DLG2: variants seen among roughly 807,000 people sequenced by gnomAD.
The protein encoded by DLG2 is discs large MAGUK scaffold protein 2, also known as disks large homolog 2.
Under a neutral mutation model 132.5 loss-of-function variants are expected in DLG2, and 45 were observed. That is an observed-to-expected ratio of 0.34 (90% CI 0.27 to 0.44). The LOEUF (loss-of-function observed/expected upper bound fraction) is 0.44, where lower values mean the gene tolerates loss of function less well. Ranked by LOEUF, DLG2 falls within the 20% of genes least tolerant of loss-of-function variation. The pLI, the probability that DLG2 is intolerant of heterozygous loss-of-function variation, is 1.00. For synonymous variants in DLG2, 424 were observed against 419.6 expected (o/e 1.01, Z -0.13); for missense variants, 1,045 against 1,196.9 (o/e 0.87, Z 1.87).
chr11:85,474,197 T>G (rs545419255), intron 3 of DLG2, among the ~76,000 whole-genome samples: 1 of 152,004 alleles, frequency 6.6e-6, no homozygotes, highest in Non-Finnish European at 1.5e-5. Flanking sequence ...AAGATCATTA[T>G]TGATAAAGAA....
intron 21 of DLG2, among the ~76,000 whole-genome samples, chr11:83,485,211 T>C (rs139831574): frequency 1.2e-3 from 179 of 152,272 alleles, no homozygotes; most frequent in African/African-American, 4.1e-3. Context: ...CATAGATACA[T>C]AATACGATAC....
chr11:84,784,139 A>G (rs1326880429), intron 6 of DLG2, among the ~76,000 whole-genome samples: 4 of 137,720 alleles, frequency 2.9e-5, no homozygotes, highest in Non-Finnish European at 4.6e-5. Flanking sequence ...CTCTACTAAA[A>G]ATGCAAAAAA....
rs1005578090 is a variant in DLG2, at chr11:83,786,677, A to T, written c.1825+13T>A. The T allele has an allele frequency of 1.3e-6, 2 of 1,597,744 alleles. No homozygotes were observed. Among genetic ancestry groups the T allele is most frequent in the Non-Finnish European group, 1.7e-6 (2 of 1,165,140 alleles). The stretch of plus-strand genomic sequence containing the variant: ...GACATATCAGAACATTATTAGTTTG[A>T]GTTCTGACTGACCTTCAGGTTGATA... On this transcript the variant is annotated intron_variant, in intron 18 of 27. Transcript: ENST00000376104.
At chr11:83,969,861 C>A (rs1565854406) in intron 12 of DLG2, among the ~76,000 whole-genome samples, 1 of 152,036 alleles carries the variant, frequency 6.6e-6, no homozygotes, top group Non-Finnish European at 1.5e-5. Context: ...GCGTGAGCCA[C>A]CACACCTGGC....
chr11:83,652,851 C>G (rs923660156), intron 18 of DLG2, among the ~76,000 whole-genome samples: 3 of 152,100 alleles, frequency 2.0e-5, no homozygotes, highest in African/African-American at 4.8e-5. Context: ...CTTATTCGAC[C>G]CTTTTTGTTG....
At chr11:85,190,954 T>A (rs565452581) in intron 4 of DLG2, among the ~76,000 whole-genome samples, 4 of 152,304 alleles carry the variant, frequency 2.6e-5, no homozygotes, top group Admixed American at 1.3e-4. Context: ...TGGATATTTC[T>A]CAAAGAACTT....
intron 10 of DLG2, among the ~76,000 whole-genome samples, chr11:84,075,129 A>T (rs544377621): frequency 5.2e-4 from 79 of 152,206 alleles, no homozygotes; most frequent in Non-Finnish European, 5.7e-4. Context: ...CCTATTTGTC[A>T]TTAAGATCTT....
chr11:84,404,530 C>T (rs1472272717), intron 7 of DLG2, among the ~76,000 whole-genome samples: 1 of 152,120 alleles, frequency 6.6e-6, no homozygotes, highest in Non-Finnish European at 1.5e-5. Flanking sequence ...CCCACATTGC[C>T]TAACACAGTG....
At chr11:85,072,311 C>T (rs537248878) in intron 6 of DLG2, among the ~76,000 whole-genome samples, 1 of 151,938 alleles carries the variant, frequency 6.6e-6, no homozygotes, top group Admixed American at 6.6e-5. Context: ...ATGGTTCTCA[C>T]ACTTAAGCAT....
chr11:85,560,124 T>C (rs2077157741), intron 3 of DLG2, among the ~76,000 whole-genome samples: 1 of 151,874 alleles, frequency 6.6e-6, no homozygotes, highest in Non-Finnish European at 1.5e-5. Context: ...ACATCATACA[T>C]TGCTAATGGG....
At chr11:84,359,178 T>C (rs1443885340) in intron 7 of DLG2, among the ~76,000 whole-genome samples, 1 of 151,968 alleles carries the variant, frequency 6.6e-6, no homozygotes, top group Non-Finnish European at 1.5e-5. Context: ...ATTCTTTTTC[T>C]GGAGTATTAC....
chr11:84,901,942 T>C (rs985421129), intron 6 of DLG2, among the ~76,000 whole-genome samples: 2 of 152,120 alleles, frequency 1.3e-5, no homozygotes, highest in African/African-American at 2.4e-5. Context: ...ATTCAAAATA[T>C]AGGAATTCTG....
intron 4 of DLG2, among the ~76,000 whole-genome samples, chr11:85,271,871 C>T (rs1312432787): frequency 6.6e-6 from 1 of 152,162 alleles, no homozygotes; most frequent in East Asian, 1.9e-4. Flanking sequence ...AAGGGACTTG[C>T]CTTGTCTCAG....
At chr11:84,658,105 C>T (rs2099690349) in intron 6 of DLG2, among the ~76,000 whole-genome samples, 1 of 152,136 alleles carries the variant, frequency 6.6e-6, no homozygotes, top group African/African-American at 2.4e-5. Flanking sequence ...TTTACTGCTG[C>T]TTCTTTCTCC....
At chr11:85,306,375 T>C (rs541220986) in intron 3 of DLG2, among the ~76,000 whole-genome samples, 1 of 152,282 alleles carries the variant, frequency 6.6e-6, no homozygotes, top group East Asian at 1.9e-4. Flanking sequence ...CTGACCCAAG[T>C]AGGAGGAATG....
Position 84,072,423 on chromosome 11 carries a change from A to T in DLG2, c.750-12939T>A, listed in dbSNP as rs17146742. On this transcript the variant is annotated intron_variant, in intron 10 of 27. Coordinates refer to ENST00000376104, the MANE Select transcript of DLG2 (RefSeq NM_001142699.3). ...CAGTTTAGCAAGAGAGATAGGAAAA[A>T]TGCTATTAAAATTCAATATAAGTGC... 5.2e-3 allele frequency among the ~76,000 whole-genome samples: 798 copies of T among 152,344 alleles called. 8 individuals carry two copies. The highest frequency in any genetic ancestry group is 0.018 in the African/African-American group (748 of 41,568).
At chr11:83,822,713 G>A (rs889207652) in intron 17 of DLG2, among the ~76,000 whole-genome samples, 2 of 152,204 alleles carry the variant, frequency 1.3e-5, no homozygotes, top group African/African-American at 4.8e-5. Context: ...TGGCCTCTGA[G>A]CCTGGTTCCT....
At chr11:84,199,755 T>C (rs1219777327) in intron 8 of DLG2, among the ~76,000 whole-genome samples, 2 of 152,058 alleles carry the variant, frequency 1.3e-5, no homozygotes, top group East Asian at 3.8e-4. Context: ...CAGGATAAAA[T>C]CTGAGAGAAA....
chr11:84,691,688 C>T (rs1400545234), intron 6 of DLG2, among the ~76,000 whole-genome samples: 1 of 150,866 alleles, frequency 6.6e-6, no homozygotes, highest in East Asian at 2.0e-4. Flanking sequence ...ATAATGGCAA[C>T]CCACACCATT....
Sources: allele counts gnomAD v4.1 joint callset (sites outside exome capture counted in the v4.1 genomes callset), GRCh38; gene constraint gnomAD v4.1.1; transcripts MANE v1.5; gene names NCBI Gene and HGNC (gene_info 2026-07-23, HGNC 2026-07-21).